RBL1: variants seen among roughly 807,000 people sequenced by gnomAD.
RBL1 encodes the protein retinoblastoma-like protein 1.
Under a neutral mutation model 123.0 loss-of-function variants are expected in RBL1, and 82 were observed. The observed-to-expected ratio is 0.67, with a 90% CI of 0.56 to 0.80. The LOEUF (loss-of-function observed/expected upper bound fraction) is 0.80. Ranked by LOEUF, RBL1 falls within the 30% of genes least tolerant of loss-of-function variation. The probability of loss-of-function intolerance (pLI) is 0.00; values close to 1 mark genes in which losing one functional copy is unlikely to be tolerated. For synonymous variants in RBL1, 405 were observed against 441.3 expected (o/e 0.92, Z 1.03); for missense variants, 1,171 against 1,299.6 (o/e 0.90, Z 1.52).
intron 12 of RBL1, among the ~76,000 whole-genome samples, chr20:37,046,356 A>G (rs1286403870): frequency 1.3e-5 from 2 of 152,154 alleles, no homozygotes; most frequent in African/African-American, 4.8e-5. Context: ...AAGGAACTGA[A>G]GCTGTAAGAT....
intron 2 of RBL1, among the ~76,000 whole-genome samples, chr20:37,068,463 G>C (rs1009148635): frequency 6.6e-6 from 1 of 151,856 alleles, no homozygotes; most frequent in Non-Finnish European, 1.5e-5. Flanking sequence ...TCCAGCCCGG[G>C]TGACAAAGCA....
Position 37,001,062 on chromosome 20 carries a change from C to T in RBL1, c.3037-2133G>A, listed in dbSNP as rs1178598696. Among the ~76,000 whole-genome samples, 493 of 147,064 alleles carry T rather than the reference C, an allele frequency of 3.4e-3. 3 individuals carry two copies. Among genetic ancestry groups the T allele is most frequent in the African/African-American group, 0.012 (466 of 39,664 alleles). Reference sequence around the variant, plus strand: ...CCCCCACCCGGCCAGCCGCCCCATCCGGGAGGGAGGCGGGGAGGTCAGCCC... The same window carrying T: ...CCCCCACCCGGCCAGCCGCCCCATCTGGGAGGGAGGCGGGGAGGTCAGCCC... On this transcript the variant is annotated intron_variant, in intron 21 of 21. Transcript: ENST00000373664.
Position 37,065,440 on chromosome 20 carries a change from T to G in RBL1, c.880A>C (p.Ser294Arg). Reference sequence around the variant, plus strand: ...GATATTTACCTATTATCAGTAAAACTTGAAAGGTCCAGGAGGCATTCTCCT... The same window carrying G: ...GATATTTACCTATTATCAGTAAAACGTGAAAGGTCCAGGAGGCATTCTCCT... ...LKGECLLDLS[S>R]FTDNSKAVNK... Residue 294 changes from serine (S) to arginine (R), a missense_variant, in exon 7 of 22, where the codon AGT (serine) becomes CGT (arginine). Physicochemically the swap from Ser to Arg is moderately radical, Grantham distance 110. Transcript: ENST00000373664. The G allele has an allele frequency of 6.3e-7, 1 of 1,594,692 alleles. No individual in the cohort carries two copies. Among genetic ancestry groups the G allele is most frequent in the Non-Finnish European group, 8.6e-7 (1 of 1,167,512 alleles).
At chr20:37,027,921 T>C (rs983814650) in intron 16 of RBL1, among the ~76,000 whole-genome samples, 1 of 152,160 alleles carries the variant, frequency 6.6e-6, no homozygotes, top group Non-Finnish European at 1.5e-5. Context: ...TGCTGGCTAA[T>C]TTTTTAATTT....
At chr20:37,087,661 T>C (rs1246538190) in intron 2 of RBL1, among the ~76,000 whole-genome samples, 3 of 151,466 alleles carry the variant, frequency 2.0e-5, no homozygotes, top group African/African-American at 7.3e-5. Context: ...GGTAATGTCA[T>C]AAAAGAAAAA....
chr20:37,051,952 G>A (rs879589957), intron 11 of RBL1, among the ~76,000 whole-genome samples: 1 of 151,924 alleles, frequency 6.6e-6, no homozygotes, highest in Non-Finnish European at 1.5e-5. Flanking sequence ...AAGAAGGCAG[G>A]AGTGGTTATT....
At chr20:37,093,393 A>G (rs1448942395) in intron 1 of RBL1, among the ~76,000 whole-genome samples, 1 of 151,314 alleles carries the variant, frequency 6.6e-6, no homozygotes, top group African/African-American at 2.4e-5. Context: ...TGTAATCCCA[A>G]TGCTCTGGGA....
chr20:37,049,796 C>T, intron 11 of RBL1: 1 of 488,314 alleles, frequency 2.0e-6, no homozygotes, highest in East Asian at 3.2e-5. Flanking sequence ...GACATGGTGG[C>T]TCACACCTGT....
intron 20 of RBL1, among the ~76,000 whole-genome samples, chr20:37,006,100 T>C (rs2064068195): frequency 6.6e-6 from 1 of 151,470 alleles, no homozygotes; most frequent in Non-Finnish European, 1.5e-5. Flanking sequence ...AGGGTCTTCC[T>C]GTGTTTCTAG....
chr20:37,067,879 A>G (rs2065207655), intron 3 of RBL1, 107 bp downstream of exon 3: 1 of 1,264,774 alleles, frequency 7.9e-7, no homozygotes, highest in Non-Finnish European at 1.1e-6. Flanking sequence ...AAAATAATTA[A>G]GTTCTTTGCA....
At chr20:37,019,212 A>G (rs1045504425) in intron 18 of RBL1, among the ~76,000 whole-genome samples, 2 of 151,948 alleles carry the variant, frequency 1.3e-5, no homozygotes, top group East Asian at 3.9e-4. Context: ...CCTGGACCAG[A>G]GTCATTTGTT....
chr20:37,066,113 C>T (rs1383861915), intron 6 of RBL1, among the ~76,000 whole-genome samples: 2 of 152,162 alleles, frequency 1.3e-5, no homozygotes, highest in East Asian at 1.9e-4. Context: ...CAAACCCCTC[C>T]TTTTACCAAA....
intron 11 of RBL1, chr20:37,049,766 T>G (rs1447684333): frequency 5.8e-6 from 3 of 520,372 alleles, no homozygotes; most frequent in Admixed American, 3.2e-5. Flanking sequence ...AAATATTTTT[T>G]AGAGAGAGAA....
Position 37,032,877 on chromosome 20 carries a change from C to G in RBL1, c.2171-1G>C. Reference sequence around the variant, plus strand: ...ATCTCTCCAGCATCATTTGCGACACCTGAATGTATAAGCATTATTAGAAAT... The same window carrying G: ...ATCTCTCCAGCATCATTTGCGACACGTGAATGTATAAGCATTATTAGAAAT... On this transcript the variant is annotated splice_acceptor_variant, in intron 15 of 21. Transcript: ENST00000373664. LOFTEE classifies it high-confidence loss of function. The G allele has an allele frequency of 1.9e-6, 3 of 1,613,654 alleles. No homozygotes were observed. Among genetic ancestry groups the G allele is most frequent in the Non-Finnish European group, 2.5e-6 (3 of 1,179,928 alleles).
intron 2 of RBL1, among the ~76,000 whole-genome samples, chr20:37,072,722 T>A (rs1334860932): frequency 6.6e-6 from 1 of 152,108 alleles, no homozygotes; most frequent in African/African-American, 2.4e-5. Context: ...AAGTGGTGAA[T>A]TCTTAGAGCA....
intron 20 of RBL1, among the ~76,000 whole-genome samples, chr20:37,004,597 G>T (rs1005681021): frequency 6.7e-6 from 1 of 149,012 alleles, no homozygotes; most frequent in East Asian, 2.0e-4. Context: ...CCTGTAATCC[G>T]AGCTATTTGG....
chr20:37,055,097 A>G (rs1253753386), intron 11 of RBL1, among the ~76,000 whole-genome samples: 2 of 152,134 alleles, frequency 1.3e-5, no homozygotes, highest in Non-Finnish European at 2.9e-5. Flanking sequence ...GGAGGAAACA[A>G]AGATCATATG....
chr20:37,077,360 G>T (rs2065381420), intron 2 of RBL1, among the ~76,000 whole-genome samples: 1 of 152,192 alleles, frequency 6.6e-6, no homozygotes, highest in South Asian at 2.1e-4. Flanking sequence ...TTGTGAAGGT[G>T]TTTATTAGAT....
At chr20:37,016,588 A>G (rs1447417319) in intron 19 of RBL1, among the ~76,000 whole-genome samples, 1 of 152,162 alleles carries the variant, frequency 6.6e-6, no homozygotes, top group East Asian at 1.9e-4. Flanking sequence ...GATGTGGCCT[A>G]AAGATTAAGC....
Sources: allele counts gnomAD v4.1 joint callset (sites outside exome capture counted in the v4.1 genomes callset), GRCh38; gene constraint gnomAD v4.1.1; transcripts MANE v1.5; gene names NCBI Gene and HGNC (gene_info 2026-07-23, HGNC 2026-07-21).